Variants in RAD9B observed in about 807,000 individuals in gnomAD.
RAD9B encodes the protein RAD9 checkpoint clamp component B.
A neutral mutation model predicts 48.3 loss-of-function variants in RAD9B; 41 were observed. The ratio of observed to expected loss-of-function variants is 0.85; its 90% CI spans 0.66 to 1.10. The LOEUF (loss-of-function observed/expected upper bound fraction) is 1.10. Ranked by LOEUF, RAD9B falls within the 50% of genes least tolerant of loss-of-function variation. RAD9B has a pLI of 0.00. For missense variants in RAD9B, 444 were observed against 485.1 expected (o/e 0.92, Z 0.80); for synonymous variants, 160 against 157.9 (o/e 1.01, Z -0.10).
chr12:110,507,414 A>C (rs1239873292), intron 4 of RAD9B, among the ~76,000 whole-genome samples: 1 of 142,950 alleles, frequency 7.0e-6, no homozygotes, highest in Non-Finnish European at 1.5e-5. Flanking sequence ...TGTATTAAAT[A>C]TAATATATAA....
chr12:110,526,920 AAAAAG>A (rs1353213683), intron 10 of RAD9B, among the ~76,000 whole-genome samples: 1 of 151,940 alleles, frequency 6.6e-6, no homozygotes, highest in Non-Finnish European at 1.5e-5. Context: ...AAAAAAAAAA[AAAAAG>A]AAAAGAAACC....
intron 10 of RAD9B, among the ~76,000 whole-genome samples, chr12:110,524,685 A>T (rs1310275058): frequency 6.6e-6 from 1 of 151,978 alleles, no homozygotes; most frequent in African/African-American, 2.4e-5. Flanking sequence ...GCAGATCACA[A>T]GGTCAAGAGA....
rs756019839 is a variant in RAD9B at position 110,511,848 on chromosome 12, A to AT, written c.389-925dup. On this transcript the variant is annotated intron_variant, in intron 4 of 10. Transcript: ENST00000409300. ...AATATCTGTCACATGTACCCCATAC[A>AT]TTTTTTCTTTTTTTTTTGAGACAGA... 2.9e-4 allele frequency among the ~76,000 whole-genome samples: 44 copies of AT among 151,442 alleles called. 1 individual carries two copies. The highest frequency in any genetic ancestry group is 5.3e-4 in the Non-Finnish European group (36 of 67,846).
chr12:110,515,451 G>A (rs909298093), intron 6 of RAD9B, among the ~76,000 whole-genome samples: 5 of 151,960 alleles, frequency 3.3e-5, no homozygotes, highest in African/African-American at 4.8e-5. Flanking sequence ...ACCTGAGGTC[G>A]GGAGTTCGAG....
chr12:110,507,128 CCTGGCCTGAGCCAGGCATGAG>C (rs1206284321), intron 4 of RAD9B, among the ~76,000 whole-genome samples: 13 of 151,942 alleles, frequency 8.6e-5, no homozygotes, highest in Admixed American at 8.5e-4. Flanking sequence ...AGCCACTGCA[CCTGGCCTGAGCCAGGCATGAG>C]CCACTGCACC....
rs2064182021 is a variant in RAD9B at position 110,533,285 on chromosome 12, A to G, written c.*2632A>G. 1 of 152,224 alleles carries G rather than the reference A, an allele frequency of 6.6e-6. No individual in the cohort carries two copies. Among genetic ancestry groups the G allele is most frequent in the African/African-American group, 2.4e-5 (1 of 41,454 alleles). 9.4% of individuals were successfully genotyped at this position (152,224 alleles called of 1,614,324 possible). A position where few individuals can be genotyped will look rare whatever the true frequency, so the allele number is the denominator to read the frequency against. ...TATTTATTAAATATCTTTACAGTTT[A>G]TTTAAATGTATTTACAGAACTATTC... is the stretch of plus-strand genomic sequence containing the variant. On this transcript the variant is annotated 3_prime_UTR_variant, in exon 11 of 11. Coordinates refer to ENST00000409300, the MANE Select transcript of RAD9B (RefSeq NM_001286535.2).
chr12:110,526,224 A>T (rs2063932170), intron 10 of RAD9B, among the ~76,000 whole-genome samples: 1 of 152,192 alleles, frequency 6.6e-6, no homozygotes, highest in Non-Finnish European at 1.5e-5. Context: ...ATTAGTAAAA[A>T]AAAAAAGATT....
chr12:110,516,670 C>T (rs1337476216), intron 6 of RAD9B, among the ~76,000 whole-genome samples: 1 of 151,722 alleles, frequency 6.6e-6, no homozygotes, highest in Non-Finnish European at 1.5e-5. Context: ...ATTAGTGGGG[C>T]GTGGTGGTGT....
intron 6 of RAD9B, among the ~76,000 whole-genome samples, chr12:110,517,342 G>A (rs1239755810): frequency 6.6e-6 from 1 of 151,318 alleles, no homozygotes. Context: ...AAAAATTAAT[G>A]GGCCGGGCGT....
intron 10 of RAD9B, among the ~76,000 whole-genome samples, chr12:110,525,105 C>T (rs934569187): frequency 2.0e-5 from 3 of 152,236 alleles, no homozygotes; most frequent in Middle Eastern, 3.4e-3. Flanking sequence ...CCTGCCTCAG[C>T]CTCCTGAGTA....
chr12:110,514,371 G>T (rs1435439376), intron 5 of RAD9B, among the ~76,000 whole-genome samples: 1 of 151,996 alleles, frequency 6.6e-6, no homozygotes, highest in East Asian at 1.9e-4. Context: ...AATAAGTAAA[G>T]GATTTTAATA....
intron 10 of RAD9B, among the ~76,000 whole-genome samples, chr12:110,527,718 T>A (rs1033379712): frequency 1.3e-5 from 2 of 152,220 alleles, no homozygotes; most frequent in Admixed American, 6.5e-5. Context: ...AGGTATAACA[T>A]GACTAAATAT....
intron 4 of RAD9B, among the ~76,000 whole-genome samples, chr12:110,508,344 A>G (rs191404143): frequency 1.9e-4 from 29 of 152,314 alleles, no homozygotes; most frequent in South Asian, 1.0e-3. Context: ...GATTGCTGTT[A>G]CTATAATTAT....
intron 1 of RAD9B, chr12:110,502,793 A>G (rs2063125689): frequency 1.8e-5 from 3 of 167,222 alleles, no homozygotes; most frequent in African/African-American, 7.2e-5. Flanking sequence ...AAAAGTCACT[A>G]AATCTCTTTG....
At chr12:110,516,144 T>C (rs567175763) in intron 6 of RAD9B, among the ~76,000 whole-genome samples, 1 of 152,202 alleles carries the variant, frequency 6.6e-6, no homozygotes, top group South Asian at 2.1e-4. Context: ...GAAGGATTGC[T>C]TGAGCCCGTA....
chr12:110,504,774 A>T (rs2063210272), intron 2 of RAD9B, among the ~76,000 whole-genome samples: 1 of 152,150 alleles, frequency 6.6e-6, no homozygotes, highest in Non-Finnish European at 1.5e-5. Context: ...AGACAGGAGG[A>T]TCACTTGAGC....
chr12:110,530,090 T>A (rs2064084445), intron 10 of RAD9B, among the ~76,000 whole-genome samples: 1 of 152,194 alleles, frequency 6.6e-6, no homozygotes, highest in East Asian at 1.9e-4. Context: ...GTCCCCAGGC[T>A]GTAGTGCAGT....
chr12:110,504,794 C>G (rs1354394576), intron 2 of RAD9B, among the ~76,000 whole-genome samples: 1 of 152,000 alleles, frequency 6.6e-6, no homozygotes, highest in Non-Finnish European at 1.5e-5. Context: ...CCCAGGAGTT[C>G]GAGACCAGCC....
chr12:110,506,724 T>A, intron 4 of RAD9B, 31 bp downstream of exon 4: 1 of 1,047,078 alleles, frequency 9.6e-7, no homozygotes, highest in African/African-American at 1.6e-5. Context: ...TTTAAAATAC[T>A]ATGTTTTTTT....
Sources: gnomAD v4.1 joint callset for allele counts (sites outside exome capture counted in the v4.1 genomes callset) on GRCh38, gnomAD v4.1.1 for gene constraint, MANE v1.5 for transcripts, NCBI Gene and HGNC (gene_info 2026-07-23, HGNC 2026-07-21) for gene names.